Variants in BRINP3 observed in about 807,000 individuals in gnomAD.
BRINP3 encodes the protein BMP/retinoic acid-inducible neural-specific protein 3.
A neutral mutation model predicts 71.0 loss-of-function variants in BRINP3; 19 were observed. The ratio of observed to expected loss-of-function variants is 0.27; its 90% CI spans 0.19 to 0.39. BRINP3 has a LOEUF of 0.39. Among genes scored for constraint, BRINP3 ranks in the 10% least tolerant of loss-of-function variants. BRINP3 has a pLI of 1.00. For missense variants in BRINP3, 959 were observed against 940.8 expected, an observed-to-expected ratio of 1.02 and a Z score of -0.25; for synonymous variants, 380 against 337.7, an observed-to-expected ratio of 1.13 and a Z score of -1.37.
intron 2 of BRINP3, among the ~76,000 whole-genome samples, chr1:190,302,501 T>G (rs1450738263): frequency 6.6e-6 from 1 of 151,710 alleles, no homozygotes; most frequent in African/African-American, 2.4e-5. Context: ...GTTCGGTATG[T>G]TAATTTTGGA....
intron 2 of BRINP3, among the ~76,000 whole-genome samples, chr1:190,446,589 A>G (rs1482637026): frequency 6.6e-6 from 1 of 152,126 alleles, no homozygotes; most frequent in East Asian, 1.9e-4. Flanking sequence ...CGATATAAGA[A>G]TTAACCACAG....
intron 6 of BRINP3, among the ~76,000 whole-genome samples, chr1:190,219,706 C>T (rs1214014946): frequency 1.3e-5 from 2 of 151,722 alleles, no homozygotes; most frequent in East Asian, 1.9e-4. Context: ...GATGTGGTGG[C>T]GGATGTCTGT....
intron 2 of BRINP3, among the ~76,000 whole-genome samples, chr1:190,448,463 T>TGTG (rs1553324612): frequency 0.048 from 5,947 of 125,096 alleles, 163 homozygotes; most frequent in African/African-American, 0.088. Context: ...CACTTGGGGT[T>TGTG]TGTGTGTGTG....
At chr1:190,423,747 C>A (rs1168262619) in intron 2 of BRINP3, among the ~76,000 whole-genome samples, 1 of 151,706 alleles carries the variant, frequency 6.6e-6, no homozygotes, top group African/African-American at 2.4e-5. Flanking sequence ...CCTCCACCCC[C>A]TACCCTAAAC....
chr1:190,183,067 T>C (rs1413217091), intron 6 of BRINP3, among the ~76,000 whole-genome samples: 2 of 152,130 alleles, frequency 1.3e-5, no homozygotes, highest in Non-Finnish European at 2.9e-5. Context: ...TGAGAACTGT[T>C]ACCTGTGACT....
intron 6 of BRINP3, among the ~76,000 whole-genome samples, chr1:190,215,367 A>G (rs1656322892): frequency 6.6e-6 from 1 of 151,902 alleles, no homozygotes; most frequent in Admixed American, 6.6e-5. Flanking sequence ...GAGAATGAAC[A>G]TTGAGCAACC....
At chr1:190,457,400 C>T (rs1676068244) in intron 1 of BRINP3, among the ~76,000 whole-genome samples, 1 of 152,046 alleles carries the variant, frequency 6.6e-6, no homozygotes, top group Admixed American at 6.6e-5. Context: ...GCTTAGATGA[C>T]TCCACTGCAC....
chr1:190,204,662 T>A (rs1655336080), intron 6 of BRINP3, among the ~76,000 whole-genome samples: 1 of 152,040 alleles, frequency 6.6e-6, no homozygotes, highest in African/African-American at 2.4e-5. Context: ...AATTCAAATA[T>A]CAGATGGATA....
At chr1:190,453,237 T>C (rs1675759456) in intron 2 of BRINP3, among the ~76,000 whole-genome samples, 1 of 119,888 alleles carries the variant, frequency 8.3e-6, no homozygotes, top group Non-Finnish European at 1.7e-5. Flanking sequence ...TTTTTTTTTT[T>C]TGAGACGGAG....
intron 4 of BRINP3, among the ~76,000 whole-genome samples, chr1:190,262,578 C>G (rs75994763): frequency 0.14 from 21,057 of 152,112 alleles, 1,905 homozygotes; most frequent in South Asian, 0.26. Context: ...CCACCCATCT[C>G]CAGCTACTCT....
intron 2 of BRINP3, among the ~76,000 whole-genome samples, chr1:190,449,981 A>G (rs1239214224): frequency 6.6e-6 from 1 of 152,184 alleles, no homozygotes; most frequent in African/African-American, 2.4e-5. Context: ...GCAAACAAAT[A>G]AATTAAAATT....
In BRINP3 at chr1:190,197,557, G is replaced by A. The variant is rs141856025; in HGVS notation, c.961+28525C>T. Among the ~76,000 whole-genome samples the A allele has an allele frequency of 2.4e-3, 359 of 152,258 alleles. 7 individuals carry two copies. Among genetic ancestry groups the A allele is most frequent in the Non-Finnish European group, 9.1e-4 (62 of 68,006 alleles). Reference sequence around the variant, plus strand: ...AATCGGGGAAATTGGCCAAAACGAAGGGGCAACAGGCCCCATGCAATCTAG... The same window carrying A: ...AATCGGGGAAATTGGCCAAAACGAAAGGGCAACAGGCCCCATGCAATCTAG... On this transcript the variant is annotated intron_variant, in intron 6 of 7. Coordinates refer to ENST00000367462, the MANE Select transcript of BRINP3 (RefSeq NM_199051.3).
chr1:190,262,282 A>T (rs1661252677), intron 4 of BRINP3, among the ~76,000 whole-genome samples: 1 of 152,086 alleles, frequency 6.6e-6, no homozygotes, highest in Non-Finnish European at 1.5e-5. Flanking sequence ...GCTACTTAAA[A>T]TTACAGCTGC....
chr1:190,471,913 C>A (rs1253456627), intron 1 of BRINP3, among the ~76,000 whole-genome samples: 2 of 151,280 alleles, frequency 1.3e-5, no homozygotes, highest in Non-Finnish European at 3.0e-5. Flanking sequence ...TTTTAAATTA[C>A]ACATATTGAA....
rs893505395 is a variant in BRINP3, at chr1:190,098,505, A to G, written c.1814T>C (p.Leu605Pro). 1.1e-5 allele frequency: 17 copies of G among 1,613,994 alleles called. No individual in the cohort carries two copies. The highest frequency in any genetic ancestry group is 6.7e-5 in the Admixed American group (4 of 59,994). ...AGTTAATGTCCAGTTATAACACTGC[A>G]GGGGTAGGTCCAACTTAGTCCGCTC... ...DWERTKLDLP[L>P]QCYNWTLTLG... Residue 605 changes from leucine to proline, a missense_variant, in exon 8 of 8, where the codon CTG (leucine) becomes CCG (proline). Coordinates refer to ENST00000367462, the MANE Select transcript of BRINP3 (RefSeq NM_199051.3).
chr1:190,460,955 T>C (rs1676355922), intron 1 of BRINP3, among the ~76,000 whole-genome samples: 1 of 152,136 alleles, frequency 6.6e-6, no homozygotes, highest in Non-Finnish European at 1.5e-5. Context: ...AATACCAACT[T>C]TGCCTCTAAA....
intron 4 of BRINP3, among the ~76,000 whole-genome samples, chr1:190,250,766 C>T (rs969869886): frequency 6.6e-6 from 1 of 151,910 alleles, no homozygotes; most frequent in African/African-American, 2.4e-5. Flanking sequence ...GGAAGCAGAA[C>T]CTTAGAATGT....
rs531429514 is a variant in BRINP3 at position 190,174,121 on chromosome 1, G to A, written c.962-13231C>T. ...GAATAACAAAATAATCACTTTTCATGCTTGTAAGTCACTTTATAATTTACA... is the reference window on the plus strand; with the variant it reads ...GAATAACAAAATAATCACTTTTCATACTTGTAAGTCACTTTATAATTTACA... On this transcript the variant is annotated intron_variant, in intron 6 of 7. Coordinates refer to ENST00000367462, the MANE Select transcript of BRINP3 (RefSeq NM_199051.3). Among the ~76,000 whole-genome samples, 83 of 152,204 alleles carry A rather than the reference G, an allele frequency of 5.5e-4. No homozygotes were observed. In the South Asian group the frequency reaches 0.016, roughly 30 times the overall value.
chr1:190,415,079 A>C (rs1672927557), intron 2 of BRINP3, among the ~76,000 whole-genome samples: 2 of 152,170 alleles, frequency 1.3e-5, no homozygotes, highest in South Asian at 4.1e-4. Context: ...CCTACATGTA[A>C]AACTTTTAAT....
Sources: gnomAD v4.1 joint callset for allele counts (sites outside exome capture counted in the v4.1 genomes callset) on GRCh38, gnomAD v4.1.1 for gene constraint, MANE v1.5 for transcripts, NCBI Gene and HGNC (gene_info 2026-07-23, HGNC 2026-07-21) for gene names.